The following KIAA1671 variants were observed in gnomAD, a reference collection of about 807,000 sequenced individuals.
The protein encoded by KIAA1671 is KIAA1671, also known as uncharacterized protein KIAA1671.
A neutral mutation model predicts 131.2 loss-of-function variants in KIAA1671; 52 were observed. The ratio of observed to expected loss-of-function variants is 0.40; its 90% confidence interval spans 0.32 to 0.50. The LOEUF (loss-of-function observed/expected upper bound fraction) is 0.50. Ranked by LOEUF, KIAA1671 falls within the 20% of genes least tolerant of loss-of-function variation. KIAA1671 has a pLI of 0.73. For missense variants in KIAA1671, 2,360 were observed against 2,364.2 expected (o/e 1.00, Z 0.04); for synonymous variants, 1,003 against 961.6 (o/e 1.04, Z -0.80).
intron 6 of KIAA1671, among the ~76,000 whole-genome samples, chr22:25,140,584 A>T (rs1932792997): frequency 1.3e-5 from 2 of 152,030 alleles, no homozygotes; most frequent in African/African-American, 2.4e-5. Flanking sequence ...TTCTGCCTGC[A>T]CCCAAGGGGA....
At chr22:24,992,160 G>A (rs1923875823) in intron 1 of KIAA1671, among the ~76,000 whole-genome samples, 2 of 152,144 alleles carry the variant, frequency 1.3e-5, no homozygotes, top group African/African-American at 2.4e-5. Context: ...ATTTTCCTTC[G>A]GGTAATTGGG....
intron 1 of KIAA1671, among the ~76,000 whole-genome samples, chr22:25,018,197 A>G (rs5996816): frequency 0.5 from 76,142 of 151,606 alleles, 19,139 homozygotes; most frequent in Middle Eastern, 0.55. Context: ...CTCCCCTACT[A>G]GAGTGTGTCA....
intron 1 of KIAA1671, among the ~76,000 whole-genome samples, chr22:24,982,413 T>G (rs568220345): frequency 6.6e-6 from 1 of 152,366 alleles, no homozygotes; most frequent in East Asian, 1.9e-4. Context: ...CATGGAGACC[T>G]TCTCCTGGCT....
intron 1 of KIAA1671, among the ~76,000 whole-genome samples, chr22:24,964,700 G>A (rs1194535470): frequency 6.6e-6 from 1 of 152,124 alleles, no homozygotes. Flanking sequence ...TGGGATTAAA[G>A]GTCTGAGCCA....
At chr22:25,023,849 G>A (rs1297215880) in intron 1 of KIAA1671, 2 of 152,076 alleles carry the variant, frequency 1.3e-5, no homozygotes, top group Non-Finnish European at 2.9e-5. Context: ...GGAGGCTGAG[G>A]CGGGAGAATT....
Position 25,028,883 on chromosome 22 carries a change from A to G in KIAA1671, c.884A>G (p.Glu295Gly), listed in dbSNP as rs1667514963. ...CTCACGGCCCGGTTTGAGAACAAAG[A>G]GGCCTTGCTGAGGAAGGTGGCCGAT... is the stretch of plus-strand genomic sequence containing the variant. Reference protein sequence around the residue: ...MDLTARFENKEALLRKVADEG... With the variant: ...MDLTARFENKGALLRKVADEG... Residue 295 changes from glutamate (E) to glycine (G), a missense_variant, in exon 3 of 13, where the codon GAG becomes GGG. Around this residue, in one of 3 missense-constraint regions of KIAA1671, gnomAD observed 1,185 missense variants for 1,126.2 expected, o/e 1.05. Coordinates refer to ENST00000358431, the MANE Select transcript of KIAA1671 (RefSeq NM_001145206.2). 3 of 1,551,388 alleles carry G rather than the reference A, an allele frequency of 1.9e-6. No individual in the cohort carries two copies. Among genetic ancestry groups the G allele is most frequent in the Admixed American group, 2.0e-5 (1 of 50,968 alleles).
At chr22:25,114,538 C>G (rs948621281) in intron 6 of KIAA1671, among the ~76,000 whole-genome samples, 1 of 152,210 alleles carries the variant, frequency 6.6e-6, no homozygotes, top group Non-Finnish European at 1.5e-5. Flanking sequence ...CTGGCTCTGC[C>G]GCTTCCCAGC....
chr22:25,013,734 A>G (rs1460065036), intron 1 of KIAA1671: 1 of 152,044 alleles, frequency 6.6e-6, no homozygotes, highest in Non-Finnish European at 1.5e-5. Flanking sequence ...CCCTCTTCCT[A>G]CACCAGGCTG....
chr22:25,155,258 A>G (rs932285000), intron 6 of KIAA1671, among the ~76,000 whole-genome samples: 2 of 152,184 alleles, frequency 1.3e-5, no homozygotes, highest in South Asian at 2.1e-4. Context: ...CTGATAAGCT[A>G]TAGTTTAGGT....
chr22:25,028,832 G>A lies in KIAA1671; in HGVS notation c.833G>A (p.Arg278Lys). The part of the protein sequence containing the change: ...PPTPPEKTWV[R>K]KPRPLSMDLT... Reference sequence around the variant, plus strand: ...ACCCCTCCCGAGAAGACGTGGGTGAGGAAGCCCAGGCCCTTGTCCATGGAC... The same window carrying A: ...ACCCCTCCCGAGAAGACGTGGGTGAAGAAGCCCAGGCCCTTGTCCATGGAC... The change falls in exon 3 of 13, where the codon AGG (arginine) becomes AAG (lysine). Residue 278 changes from arginine to lysine, a missense_variant. Physicochemically the swap from Arg to Lys is conservative, Grantham distance 26. Around this residue, in one of 3 missense-constraint regions of KIAA1671, gnomAD observed 1,185 missense variants for 1,126.2 expected, o/e 1.05. Transcript: ENST00000358431. 2.6e-6 allele frequency: 4 copies of A among 1,550,916 alleles called. No homozygotes were observed. Among genetic ancestry groups the A allele is most frequent in the Non-Finnish European group, 3.5e-6 (4 of 1,146,850 alleles).
intron 6 of KIAA1671, among the ~76,000 whole-genome samples, chr22:25,088,111 C>CTT (rs796690642): frequency 7.2e-5 from 8 of 110,558 alleles, no homozygotes; most frequent in African/African-American, 1.2e-4. Context: ...TTCTTTCTTT[C>CTT]TTTTTTTTTT....
chr22:25,134,486 T>C (rs185792983), intron 6 of KIAA1671, among the ~76,000 whole-genome samples: 20 of 152,370 alleles, frequency 1.3e-4, no homozygotes, highest in Admixed American at 5.9e-4. Context: ...TTTTATTTTT[T>C]GCATTTATCA....
intron 1 of KIAA1671, among the ~76,000 whole-genome samples, chr22:25,003,282 A>G (rs1163213186): frequency 3.3e-5 from 5 of 152,308 alleles, no homozygotes; most frequent in Admixed American, 6.5e-5. Flanking sequence ...AGCATTTCAT[A>G]TAGAAACTGG....
At chr22:24,979,788 T>TGCC (rs1275104058) in intron 1 of KIAA1671, among the ~76,000 whole-genome samples, 1 of 152,122 alleles carries the variant, frequency 6.6e-6, no homozygotes, top group Non-Finnish European at 1.5e-5. Context: ...CCCCATCCCA[T>TGCC]GCCGCCTCCC....
intron 6 of KIAA1671, among the ~76,000 whole-genome samples, chr22:25,123,084 G>A (rs1932020362): frequency 6.6e-6 from 1 of 151,950 alleles, no homozygotes; most frequent in Non-Finnish European, 1.5e-5. Flanking sequence ...GGTCCTCTCA[G>A]TGATTCTTGC....
Position 25,036,329 on chromosome 22 carries a change from C to T in KIAA1671, c.1630-2431C>T, listed in dbSNP as rs1004857218. ...TCCCGACCTCAGGTGATCCACCCGC[C>T]TCGGCCTCCCAAAGTGCTGAGATTG... On this transcript the variant is annotated intron_variant, in intron 4 of 12. Transcript: ENST00000358431. 2.0e-5 allele frequency among the ~76,000 whole-genome samples: 3 copies of T among 152,058 alleles called. No individual in the cohort carries two copies. In the South Asian group the frequency reaches 6.2e-4, roughly 32 times the overall value.
At chr22:25,042,560 G>A (rs1037484504) in intron 5 of KIAA1671, among the ~76,000 whole-genome samples, 17 of 144,674 alleles carry the variant, frequency 1.2e-4, no homozygotes, top group Non-Finnish European at 2.1e-4. Context: ...TTCGCCTCCT[G>A]GGTTTAAGCG....
intron 3 of KIAA1671, among the ~76,000 whole-genome samples, chr22:25,030,637 TTAATAATGATATTCTAAGTCAGATGGC>T (rs1395458221): frequency 1.3e-5 from 2 of 152,262 alleles, no homozygotes; most frequent in Admixed American, 6.5e-5. Flanking sequence ...TCTAAGTTAG[TTAATAATGATATTCTAAGTCAGATGGC>T]TAATAATGAT....
chr22:25,130,879 A>G (rs1601341725), intron 6 of KIAA1671, among the ~76,000 whole-genome samples: 1 of 152,230 alleles, frequency 6.6e-6, no homozygotes, highest in East Asian at 1.9e-4. Context: ...GACAGAGGTA[A>G]GATTCCAGGG....
Sources: allele counts gnomAD v4.1 joint callset (sites outside exome capture counted in the v4.1 genomes callset), GRCh38; gene constraint gnomAD v4.1.1; regional missense constraint gnomAD v4.1.1; transcripts MANE v1.5; gene names NCBI Gene and HGNC (gene_info 2026-07-23, HGNC 2026-07-21).